Variants in KLHL13 observed in about 807,000 individuals in gnomAD.
The protein encoded by KLHL13 is kelch like family member 13.
Under a neutral mutation model 37.1 loss-of-function variants are expected in KLHL13, and 10 were observed. That is an observed-to-expected ratio of 0.27 (90% CI 0.17 to 0.46). KLHL13 has a LOEUF of 0.46. Among genes scored for constraint, KLHL13 ranks in the 20% least tolerant of loss-of-function variants. The pLI is 1.00. For missense variants in KLHL13, 360 were observed against 509.3 expected (o/e 0.71, Z 2.82); for synonymous variants, 163 against 181.2 (o/e 0.90, Z 0.81).
At position 118,098,763 on chromosome X, in the gene KLHL13, A is replaced by C. The variant is rs1269753460; in HGVS notation, c.-56+17745T>G. On this transcript the variant is annotated intron_variant, in intron 1 of 6. Transcript: ENST00000371882. Reference sequence around the variant, plus strand: ...TGCAGCCATAAAAAATGATGAGTTCACGTCCTTTGTAGGGACATGGATGAA... The same window carrying C: ...TGCAGCCATAAAAAATGATGAGTTCCCGTCCTTTGTAGGGACATGGATGAA... Among the ~76,000 whole-genome samples the C allele has an allele frequency of 9.4e-5, 10 of 106,225 alleles. No homozygotes were observed. In the Admixed American group the frequency reaches 1.0e-3, roughly 11 times the overall value. 92.2% of individuals were successfully genotyped at this position (106,225 alleles called of 115,157 possible).
intron 5 of KLHL13, among the ~76,000 whole-genome samples, chrX:117,904,590 T>C (rs910890713): frequency 1.8e-5 from 2 of 112,163 alleles, no homozygotes; most frequent in African/African-American, 6.5e-5. Context: ...AAAATATGAA[T>C]GATTTTACAT....
chrX:117,920,963 T>C (rs889013593), intron 2 of KLHL13, among the ~76,000 whole-genome samples: 5 of 111,434 alleles, frequency 4.5e-5, no homozygotes, highest in Non-Finnish European at 7.5e-5. Context: ...ATTATCTTTG[T>C]TTGAAAAAAA....
chrX:118,023,139 T>C (rs1470399297), intron 1 of KLHL13, among the ~76,000 whole-genome samples: 3 of 102,513 alleles, frequency 2.9e-5, no homozygotes, highest in African/African-American at 1.3e-4. Context: ...CTTCTAGGAA[T>C]TGGTTAATTT....
At chrX:118,006,168 G>C (rs150118001) in intron 1 of KLHL13, among the ~76,000 whole-genome samples, 6,081 of 111,208 alleles carry the variant, frequency 0.055, 414 homozygotes, top group African/African-American at 0.19. Context: ...GAAACTACTG[G>C]AACTATTTAG....
At position 117,922,915 on chromosome X, in the gene KLHL13, A is replaced by T. The variant is rs190729165; in HGVS notation, c.241-2545T>A. On this transcript the variant is annotated intron_variant, in intron 2 of 6. Transcript: ENST00000262820. ...TCATTCTCTATATATCATAATCTAC[A>T]TTATGCTTGTATTAAAATATATAAA... Among the ~76,000 whole-genome samples, 23 of 112,123 alleles carry T rather than the reference A, an allele frequency of 2.1e-4. No individual in the cohort carries two copies. The East Asian group carries it at 6.2e-3, about 30-fold the overall frequency.
intron 1 of KLHL13, among the ~76,000 whole-genome samples, chrX:117,967,593 T>C (rs1026535682): frequency 1.8e-5 from 2 of 111,666 alleles, no homozygotes; most frequent in Admixed American, 1.9e-4. Flanking sequence ...ACTTGGAAGA[T>C]ACACTAAGTA....
chrX:117,902,227 T>C, intron 5 of KLHL13, among the ~76,000 whole-genome samples: 1 of 111,541 alleles, frequency 9.0e-6, no homozygotes, highest in Non-Finnish European at 1.9e-5. Context: ...GTAATCTGCT[T>C]ACATATTTAT....
At chrX:117,975,876 T>C (rs1015673445), upstream of KLHL13, among the ~76,000 whole-genome samples, 4 of 112,034 alleles carry the variant, frequency 3.6e-5, no homozygotes, top group African/African-American at 6.5e-5. Flanking sequence ...GATCATTTTA[T>C]TGTAAAGATT....
intron 1 of KLHL13, among the ~76,000 whole-genome samples, chrX:117,952,856 T>C (rs1276268029): frequency 9.3e-6 from 1 of 107,574 alleles, no homozygotes; most frequent in African/African-American, 3.4e-5. Context: ...CACAATGAGA[T>C]ACCATCTCAC....
At chrX:118,025,826 A>G (rs777979314) in intron 1 of KLHL13, among the ~76,000 whole-genome samples, 185 of 112,476 alleles carry the variant, frequency 1.6e-3, no homozygotes, top group Non-Finnish European at 2.9e-3. Flanking sequence ...GAGAAGGAAG[A>G]AGCAGCTTGT....
At chrX:117,903,135 A>AACACAC (rs751986919) in intron 5 of KLHL13, among the ~76,000 whole-genome samples, 1 of 99,800 alleles carries the variant, frequency 1.0e-5, no homozygotes, top group Admixed American at 1.1e-4. Context: ...TGACAGGCAA[A>AACACAC]ACACACACAC....
At chrX:118,008,556 A>G (rs985833088) in intron 1 of KLHL13, among the ~76,000 whole-genome samples, 7 of 112,148 alleles carry the variant, frequency 6.2e-5, no homozygotes, top group Admixed American at 1.9e-4. Context: ...ACAGGAGGAC[A>G]CATTCCTCTA....
intron 1 of KLHL13, among the ~76,000 whole-genome samples, chrX:118,036,484 A>C (rs756613780): frequency 0.09 from 9,969 of 111,058 alleles, 453 homozygotes; most frequent in African/African-American, 0.16. Flanking sequence ...GAAAAACAAG[A>C]AATGGGGAAA....
intron 1 of KLHL13, among the ~76,000 whole-genome samples, chrX:118,019,520 G>T (rs771368224): frequency 1.3e-4 from 14 of 110,695 alleles, no homozygotes; most frequent in South Asian, 3.8e-4. Flanking sequence ...GTCAATTTTG[G>T]CTTTTGTTGC....
intron 1 of KLHL13, among the ~76,000 whole-genome samples, chrX:117,962,332 T>C (rs759706382): frequency 9.2e-6 from 1 of 108,389 alleles, no homozygotes; most frequent in East Asian, 2.9e-4. Context: ...TTTCATTGAG[T>C]ATTTGCATGC....
exon 5 of KLHL13, chrX:117,910,082 G>A: frequency 8.6e-7 from 1 of 1,161,270 alleles, no homozygotes; most frequent in Non-Finnish European, 1.1e-6. Context: ...CTTCAACACA[G>A]TTGTCTAAAG....
chrX:118,083,511 A>G (rs867658728), intron 1 of KLHL13, among the ~76,000 whole-genome samples: 1 of 110,979 alleles, frequency 9.0e-6, no homozygotes, highest in Non-Finnish European at 1.9e-5. Context: ...TTCCACTCAT[A>G]ATGAGGAATT....
intron 1 of KLHL13, among the ~76,000 whole-genome samples, chrX:118,031,432 T>C (rs1481076559): frequency 1.1e-5 from 1 of 90,416 alleles, no homozygotes; most frequent in Non-Finnish European, 2.0e-5. Flanking sequence ...TATATATAGA[T>C]ATATATATTT....
intron 1 of KLHL13, among the ~76,000 whole-genome samples, chrX:117,968,103 A>C (rs2053466769): frequency 8.9e-6 from 1 of 112,531 alleles, no homozygotes; most frequent in South Asian, 3.7e-4. Flanking sequence ...ACAACCAGGA[A>C]GAGTGAAGGG....
Sources: gnomAD v4.1 joint callset for allele counts (sites outside exome capture counted in the v4.1 genomes callset) on GRCh38, gnomAD v4.1.1 for gene constraint, MANE v1.5 for transcripts, NCBI Gene and HGNC (gene_info 2026-07-23, HGNC 2026-07-21) for gene names.